SMYD2: variants seen among roughly 807,000 people sequenced by gnomAD.
The protein encoded by SMYD2 is N-lysine methyltransferase SMYD2.
SMYD2 carries 53 observed loss-of-function variants against 59.1 expected under a neutral mutation model. The observed-to-expected ratio is 0.90, with a 90% CI of 0.72 to 1.13. SMYD2 has a LOEUF of 1.13. SMYD2 is among the 50% of genes most tolerant of loss of function. The pLI is 0.00. For missense variants in SMYD2, 494 were observed against 544.7 expected, an observed-to-expected ratio of 0.91 and a Z score of 0.93; for synonymous variants, 208 against 198.8, an observed-to-expected ratio of 1.05 and a Z score of -0.39.
At chr1:214,283,678 G>T (rs953685285) in intron 1 of SMYD2, among the ~76,000 whole-genome samples, 2 of 152,178 alleles carry the variant, frequency 1.3e-5, no homozygotes, top group African/African-American at 4.8e-5. Flanking sequence ...AGGGGAACGT[G>T]TATTTTCCTC....
intron 1 of SMYD2, among the ~76,000 whole-genome samples, chr1:214,286,399 A>G (rs891705340): frequency 5.3e-5 from 8 of 152,076 alleles, no homozygotes; most frequent in African/African-American, 7.2e-5. Flanking sequence ...CCCTTGAGTC[A>G]GGAGGTTGAT....
intron 11 of SMYD2, among the ~76,000 whole-genome samples, chr1:214,335,088 A>G (rs1657415116): frequency 1.3e-5 from 2 of 152,264 alleles, no homozygotes; most frequent in Admixed American, 1.3e-4. Context: ...CACAGTCAAT[A>G]CAGTGTAATT....
chr1:214,286,640 G>A (rs1338164336), intron 1 of SMYD2, among the ~76,000 whole-genome samples: 1 of 149,444 alleles, frequency 6.7e-6, no homozygotes, highest in African/African-American at 2.5e-5. Context: ...GTGTAGTATA[G>A]TCCCAACTAC....
intron 10 of SMYD2, 45 bp from the exon 11 acceptor site, chr1:214,334,155 A>G: frequency 1.3e-6 from 2 of 1,563,140 alleles, no homozygotes; most frequent in Non-Finnish European, 1.8e-6. Flanking sequence ...GGGGCGGCTC[A>G]GTAGCCGCTG....
intron 5 of SMYD2, among the ~76,000 whole-genome samples, chr1:214,319,424 G>A (rs1316919320): frequency 6.6e-6 from 1 of 152,152 alleles, no homozygotes; most frequent in African/African-American, 2.4e-5. Context: ...GTGATGGCCC[G>A]AGGAAGGACA....
Position 214,318,279 on chromosome 1 carries a change from T to C in SMYD2, c.409+140T>C, listed in dbSNP as rs1657116202. 2.6e-6 allele frequency: 2 copies of C among 767,776 alleles called. No individual in the cohort carries two copies. The allele number at this position is 767,776 out of a possible 1,614,324, so 47.6% of individuals were successfully genotyped here. A position where few individuals can be genotyped will look rare whatever the true frequency, so the allele number is the denominator to read the frequency against. ...GATTACTAGTTTTTATTTTTACTCT[T>C]GTGCTGTTTCGAAAAGCACTTTTAG... On this transcript the variant is annotated intron_variant, in intron 4 of 11. Coordinates refer to ENST00000366957, the MANE Select transcript of SMYD2 (RefSeq NM_020197.3). The surrounding 1 kb of genome is among the most constrained non-coding windows in gnomAD (Gnocchi z 5.4).
intron 11 of SMYD2, among the ~76,000 whole-genome samples, chr1:214,335,303 A>G (rs985297720): frequency 6.6e-6 from 1 of 152,254 alleles, no homozygotes; most frequent in Admixed American, 6.5e-5. Context: ...GTTTTAAACC[A>G]TGGAATTTGT....
chr1:214,318,816 C>T lies in SMYD2; in HGVS notation c.410-43C>T. 1 of 1,596,988 alleles carries T rather than the reference C, an allele frequency of 6.3e-7. No homozygotes were observed. Among genetic ancestry groups the T allele is most frequent in the South Asian group, 1.1e-5 (1 of 89,096 alleles). ...GCAAAAATAGGATGTAGCTAGAAAT[C>T]CCACGCTTTCTACTGGGTGAATAAT... On this transcript the variant is annotated intron_variant, in intron 4 of 11. Transcript: ENST00000366957. This position sits in a 1 kb window ranked among gnomAD's most constrained non-coding sequence, Gnocchi z 5.4.
At position 214,327,642 on chromosome 1, in the gene SMYD2, G is replaced by C; in HGVS notation, c.623G>C (p.Ser208Thr). The C allele has an allele frequency of 6.2e-7, 1 of 1,614,170 alleles. No homozygotes were observed. The highest frequency in any genetic ancestry group is 8.5e-7 in the Non-Finnish European group (1 of 1,180,000). ...IFPDVALMNH[S>T]CCPNVIVTYK... ...GACAGTGTTGCATTGATGAATCATA[G>C]CTGTTGCCCCAATGTCATTGTGACC... Residue 208 changes from serine to threonine, a missense_variant, in exon 7 of 12, where the codon AGC becomes ACC. Coordinates refer to ENST00000366957, the MANE Select transcript of SMYD2 (RefSeq NM_020197.3).
chr1:214,318,831 G>T lies in SMYD2; in HGVS notation c.410-28G>T. 6.2e-7 allele frequency: 1 copy of T among 1,611,142 alleles called. No individual in the cohort carries two copies. Among genetic ancestry groups the T allele is most frequent in the Non-Finnish European group, 8.5e-7 (1 of 1,179,006 alleles). On this transcript the variant is annotated intron_variant, in intron 4 of 11. Transcript: ENST00000366957. The surrounding 1 kb of genome is among the most constrained non-coding windows in gnomAD (Gnocchi z 5.4). Reference sequence around the variant, plus strand: ...AGCTAGAAATCCCACGCTTTCTACTGGGTGAATAATGGATTATTTATCCAC... The same window carrying T: ...AGCTAGAAATCCCACGCTTTCTACTTGGTGAATAATGGATTATTTATCCAC...
chr1:214,327,148 CAG>C (rs939242324), intron 6 of SMYD2, among the ~76,000 whole-genome samples: 43 of 152,314 alleles, frequency 2.8e-4, no homozygotes, highest in African/African-American at 7.7e-4. Context: ...CCGGGTCTCT[CAG>C]GGGATCACAC....
At chr1:214,309,190 T>C (rs2102465437) in intron 2 of SMYD2, among the ~76,000 whole-genome samples, 1 of 152,324 alleles carries the variant, frequency 6.6e-6, no homozygotes, top group South Asian at 2.1e-4. Flanking sequence ...CTTGACTCAG[T>C]GTGATGGTGC....
chr1:214,287,730 AC>A (rs1656574419), intron 1 of SMYD2, among the ~76,000 whole-genome samples: 1 of 152,122 alleles, frequency 6.6e-6, no homozygotes, highest in Admixed American at 6.5e-5. Context: ...AATATAATAT[AC>A]CTACACAGGT....
At chr1:214,285,572 A>G (rs1243268426) in intron 1 of SMYD2, among the ~76,000 whole-genome samples, 3 of 152,258 alleles carry the variant, frequency 2.0e-5, no homozygotes, top group South Asian at 2.1e-4. Flanking sequence ...TGGTAAGACT[A>G]AAACATACAT....
chr1:214,329,521 C>T, intron 7 of SMYD2, among the ~76,000 whole-genome samples: 1 of 152,200 alleles, frequency 6.6e-6, no homozygotes, highest in East Asian at 1.9e-4. Flanking sequence ...GACGGTGGAG[C>T]CCCATGAACC....
rs12409619 is a variant in SMYD2 at position 214,295,498 on chromosome 1, C to T, written c.174-9689C>T. Among the ~76,000 whole-genome samples, 1,209 of 152,300 alleles carry T rather than the reference C, an allele frequency of 7.9e-3. 41 individuals carry two copies. Among genetic ancestry groups the T allele is most frequent in the East Asian group, 0.06 (313 of 5,176 alleles). ...ATAACTAGGTCAGCCATTACTCTGA[C>T]CACCAAGCCCAGCTTCCTCCTTGTA... On this transcript the variant is annotated intron_variant, in intron 1 of 11. Coordinates refer to ENST00000366957, the MANE Select transcript of SMYD2 (RefSeq NM_020197.3).
intron 1 of SMYD2, among the ~76,000 whole-genome samples, chr1:214,282,042 T>G (rs1656459458): frequency 6.6e-6 from 1 of 152,206 alleles, no homozygotes; most frequent in African/African-American, 2.4e-5. Context: ...CAGTGTCCAG[T>G]TTCGGTTTGG....
intron 3 of SMYD2, among the ~76,000 whole-genome samples, chr1:214,317,622 A>T (rs1485531408): frequency 1.3e-5 from 2 of 152,258 alleles, no homozygotes; most frequent in African/African-American, 2.4e-5. Flanking sequence ...GGGCTCACAG[A>T]TACAACCAAA....
chr1:214,287,629 C>A (rs1571918118), intron 1 of SMYD2, among the ~76,000 whole-genome samples: 1 of 147,816 alleles, frequency 6.8e-6, no homozygotes, highest in African/African-American at 2.5e-5. Context: ...TGACCCATAG[C>A]CACAACCAGC....
Sources: allele counts gnomAD v4.1 joint callset (sites outside exome capture counted in the v4.1 genomes callset), GRCh38; gene constraint gnomAD v4.1.1; non-coding constraint Gnocchi (gnomAD v3.1); transcripts MANE v1.5; gene names NCBI Gene and HGNC (gene_info 2026-07-23, HGNC 2026-07-21).